Variants in MACIR observed in about 807,000 individuals in gnomAD.
The protein encoded by MACIR is macrophage immunometabolism regulator, also known as UNC119-binding protein C5orf30.
A neutral mutation model predicts 14.3 loss-of-function variants in MACIR; 4 were observed. The ratio of observed to expected loss-of-function variants is 0.28; its 90% confidence interval spans 0.14 to 0.64. The LOEUF (loss-of-function observed/expected upper bound fraction) is 0.64, where lower values mean the gene tolerates loss of function less well. Among genes scored for constraint, MACIR ranks in the 30% least tolerant of loss-of-function variants. MACIR has a pLI of 0.83. For synonymous variants in MACIR, 101 were observed against 102.4 expected (o/e 0.99, Z 0.08); for missense variants, 228 against 257.6 (o/e 0.89, Z 0.79).
At chr5:103,261,709 T>TCTTCCTTTCTTC (rs1168267940) in intron 1 of MACIR, among the ~76,000 whole-genome samples, 1 of 102,970 alleles carries the variant, frequency 9.7e-6, no homozygotes, top group African/African-American at 3.8e-5. Flanking sequence ...TTTCTTCCTT[T>TCTTCCTTTCTTC]CTTTCTTTCT....
At chr5:103,266,563 C>T (rs928068020) in intron 2 of MACIR, among the ~76,000 whole-genome samples, 18 of 152,042 alleles carry the variant, frequency 1.2e-4, no homozygotes, top group Non-Finnish European at 2.5e-4. Flanking sequence ...TTCAGTGTGT[C>T]ATCTGTGTAT....
chr5:103,274,367 A>T (rs1035394483), intron 2 of MACIR, among the ~76,000 whole-genome samples: 26 of 150,376 alleles, frequency 1.7e-4, no homozygotes, highest in Non-Finnish European at 3.4e-4. Context: ...TATATAAATA[A>T]TATAAATAAA....
chr5:103,265,534 G>C (rs532896773), intron 1 of MACIR, among the ~76,000 whole-genome samples: 56 of 152,224 alleles, frequency 3.7e-4, no homozygotes, highest in African/African-American at 1.3e-3. Flanking sequence ...TTTGATCCTA[G>C]CCTAAGCATT....
chr5:103,264,332 G>GAGTA lies in MACIR; in HGVS notation c.-113-1575_-113-1572dup, dbSNP rs571917489. 9.9e-5 allele frequency among the ~76,000 whole-genome samples: 15 copies of GAGTA among 152,196 alleles called. No homozygotes were observed. In the South Asian group the frequency reaches 2.5e-3, roughly 25 times the overall value. On this transcript the variant is annotated intron_variant, in intron 1 of 2. Coordinates refer to ENST00000319933, the MANE Select transcript of MACIR (RefSeq NM_033211.4). ...ATGGGATAATAATATTTTCTTCATG[G>GAGTA]AGTAGTTAAGATTAAATGATATAAA...
At chr5:103,275,788 G>A (rs1580584921) in intron 2 of MACIR, 109 bp from the exon 3 acceptor site, 1 of 868,834 alleles carries the variant, frequency 1.2e-6, no homozygotes, top group African/African-American at 1.7e-5. Context: ...TACATTGACT[G>A]TCTTTCAGGC....
At chr5:103,263,800 T>G (rs1195414528) in intron 1 of MACIR, among the ~76,000 whole-genome samples, 2 of 152,136 alleles carry the variant, frequency 1.3e-5, no homozygotes, top group Admixed American at 6.5e-5. Context: ...TCTTGAGAAA[T>G]AAAGCGGAAA....
intron 1 of MACIR, among the ~76,000 whole-genome samples, chr5:103,260,682 G>A (rs1804649678): frequency 6.6e-6 from 1 of 152,044 alleles, no homozygotes; most frequent in African/African-American, 2.4e-5. Flanking sequence ...TATTTTCTTT[G>A]TATATTTCTG....
At chr5:103,261,674 CT>C (rs1280760323) in intron 1 of MACIR, among the ~76,000 whole-genome samples, 1 of 125,008 alleles carries the variant, frequency 8.0e-6, no homozygotes, top group African/African-American at 3.2e-5. Flanking sequence ...TTCTTTCTTT[CT>C]TTCTTTCTTT....
intron 2 of MACIR, among the ~76,000 whole-genome samples, chr5:103,273,953 C>T (rs573665950): frequency 1.3e-5 from 2 of 152,290 alleles, no homozygotes; most frequent in East Asian, 3.9e-4. Flanking sequence ...GCCTTGGTGA[C>T]TCTCCTTGAG....
At position 103,258,786 on chromosome 5, in the gene MACIR, G is replaced by A. The variant is rs1255244597; in HGVS notation, c.-224G>A. The A allele has an allele frequency of 6.6e-6, 1 of 152,534 alleles. No homozygotes were observed. Among genetic ancestry groups the A allele is most frequent in the Non-Finnish European group, 1.5e-5 (1 of 68,142 alleles). 9.4% of individuals were successfully genotyped at this position (152,534 alleles called of 1,614,324 possible). On this transcript the variant is annotated 5_prime_UTR_variant, in exon 1 of 3. Transcript: ENST00000319933. ...AGAGGAGAGGGTACCCGGCTGGCTC[G>A]GCTGGCGGCCTCTGCCTGGATCTCG...
At chr5:103,264,408 A>C (rs192198658) in intron 1 of MACIR, among the ~76,000 whole-genome samples, 1 of 152,166 alleles carries the variant, frequency 6.6e-6, no homozygotes, top group Admixed American at 6.5e-5. Context: ...GTTCGTTTTT[A>C]GAACTCCTCT....
intron 2 of MACIR, among the ~76,000 whole-genome samples, chr5:103,270,014 C>T (rs917219733): frequency 8.5e-5 from 13 of 152,052 alleles, no homozygotes; most frequent in African/African-American, 3.1e-4. Context: ...GCAGTCATGT[C>T]CCTTTCATTT....
intron 1 of MACIR, among the ~76,000 whole-genome samples, chr5:103,262,895 A>G (rs1804778731): frequency 6.6e-6 from 1 of 152,160 alleles, no homozygotes; most frequent in African/African-American, 2.4e-5. Flanking sequence ...TTGGAGAGGA[A>G]ATCTGTTGAT....
intron 2 of MACIR, among the ~76,000 whole-genome samples, chr5:103,274,554 GT>G (rs1272934638): frequency 6.6e-6 from 1 of 151,636 alleles, no homozygotes; most frequent in African/African-American, 2.4e-5. Flanking sequence ...ATAAATGTTT[GT>G]TTTCAGTGGG....
rs1554237753 is a variant in MACIR, at chr5:103,276,492, A to G, written c.573A>G (p.Gln191=). 2 of 1,613,818 alleles carry G rather than the reference A, an allele frequency of 1.2e-6. No homozygotes were observed. Among genetic ancestry groups the G allele is most frequent in the East Asian group, 2.2e-5 (1 of 44,872 alleles). The change falls in exon 3 of 3, where the codon CAA becomes CAG. Residue 191 remains glutamine (Q), a synonymous_variant. Coordinates refer to ENST00000319933, the MANE Select transcript of MACIR (RefSeq NM_033211.4). The stretch of plus-strand genomic sequence containing the variant: ...CAGAAGTGCTACAGTACCAGCTTCA[A>G]CACCTAACCCTCCGAGGGGACCGTG... ...ADTEVLQYQL[Q]HLTLRGDRVF...
rs1554237763 is a variant in MACIR, at chr5:103,276,515, G to A, written c.596G>A (p.Arg199His). ...CAACACCTAACCCTCCGAGGGGACC[G>A]TGTGTTTGCTAGGAATAATACATGA... ...QLQHLTLRGD[R>H]VFARNNT Residue 199 changes from arginine (R) to histidine (H), a missense_variant, in exon 3 of 3, where the codon CGT becomes CAT. Physicochemically the swap from Arg to His is conservative, Grantham distance 29 (BLOSUM62 0). Transcript: ENST00000319933. 2.5e-6 allele frequency: 4 copies of A among 1,611,002 alleles called. No homozygotes were observed. The highest frequency in any genetic ancestry group is 1.1e-5 in the South Asian group (1 of 90,702).
intron 1 of MACIR, chr5:103,259,417 G>GCTCC (rs1554235981): frequency 2.6e-5 from 4 of 152,146 alleles, no homozygotes; most frequent in African/African-American, 4.8e-5. Context: ...ACGCTCGCTC[G>GCTCC]CTCCCTCCCT....
chr5:103,275,846 C>T, intron 2 of MACIR, 51 bp from the exon 3 acceptor site: 3 of 1,505,282 alleles, frequency 2.0e-6, no homozygotes, highest in Middle Eastern at 2.1e-4. Context: ...CCTGGCCTGG[C>T]CCAAGTCTCT....
chr5:103,260,415 T>C (rs528921264), intron 1 of MACIR, among the ~76,000 whole-genome samples: 17 of 152,310 alleles, frequency 1.1e-4, no homozygotes, highest in African/African-American at 3.9e-4. Context: ...ATGATTACAC[T>C]ATTAAGTTTA....
Sources: allele counts gnomAD v4.1 joint callset (sites outside exome capture counted in the v4.1 genomes callset), GRCh38; gene constraint gnomAD v4.1.1; transcripts MANE v1.5; gene names NCBI Gene and HGNC (gene_info 2026-07-23, HGNC 2026-07-21).